The following PTPRT variants were observed in gnomAD, a reference collection of about 807,000 sequenced individuals.
PTPRT encodes the protein receptor-type tyrosine-protein phosphatase T.
PTPRT carries 56 observed loss-of-function variants against 176.8 expected under a neutral mutation model. The observed-to-expected ratio is 0.32, with a 90% CI of 0.26 to 0.40. The LOEUF (loss-of-function observed/expected upper bound fraction) is 0.40. Ranked by LOEUF, PTPRT falls within the 10% of genes least tolerant of loss-of-function variation. The pLI, the probability that PTPRT is intolerant of heterozygous loss-of-function variation, is 1.00. For synonymous variants in PTPRT, 783 were observed against 739.0 expected (o/e 1.06, Z -0.96); for missense variants, 1,540 against 1,908.2 (o/e 0.81, Z 3.60).
chr20:42,685,091 G>A (rs2075670122), intron 6 of PTPRT, among the ~76,000 whole-genome samples: 1 of 152,142 alleles, frequency 6.6e-6, no homozygotes, highest in African/African-American at 2.4e-5. Flanking sequence ...TAACCATTAT[G>A]ATAAAGACAA....
intron 2 of PTPRT, among the ~76,000 whole-genome samples, chr20:42,833,892 C>G (rs750095403): frequency 2.0e-5 from 3 of 152,094 alleles, no homozygotes; most frequent in African/African-American, 7.2e-5. Context: ...GGAACATAAA[C>G]CTAAATGTAA....
At chr20:43,132,749 G>C (rs1438222735) in intron 1 of PTPRT, among the ~76,000 whole-genome samples, 1 of 152,038 alleles carries the variant, frequency 6.6e-6, no homozygotes, top group Non-Finnish European at 1.5e-5. Flanking sequence ...AGGCCAATAT[G>C]GAAATTTAAT....
chr20:42,633,507 T>A (rs2145897851), intron 7 of PTPRT, among the ~76,000 whole-genome samples: 1 of 150,096 alleles, frequency 6.7e-6, no homozygotes, highest in East Asian at 2.0e-4. Flanking sequence ...TAGAATATGG[T>A]TTGACAGGCC....
At chr20:42,059,297 T>G in the PTPRT span, among the ~76,000 whole-genome samples, 1 of 152,072 alleles carries the variant, frequency 6.6e-6, no homozygotes, top group South Asian at 2.1e-4. Flanking sequence ...AGATAGAAAG[T>G]GCTCAGCAAG....
At chr20:42,633,586 A>G (rs1293627306) in intron 7 of PTPRT, among the ~76,000 whole-genome samples, 1 of 150,968 alleles carries the variant, frequency 6.6e-6, no homozygotes, top group Non-Finnish European at 1.5e-5. Flanking sequence ...ACTTGAGGCC[A>G]GGAGTTCGAG....
chr20:42,329,760 T>G (rs1277163422), intron 11 of PTPRT, among the ~76,000 whole-genome samples: 1 of 152,182 alleles, frequency 6.6e-6, no homozygotes, highest in Non-Finnish European at 1.5e-5. Context: ...TTCCCAAATG[T>G]CAGTATTTTA....
intron 16 of PTPRT, among the ~76,000 whole-genome samples, chr20:42,181,575 T>A (rs560722822): frequency 6.6e-5 from 10 of 152,334 alleles, no homozygotes; most frequent in African/African-American, 2.2e-4. Context: ...GTCATCGCTA[T>A]GTCTGCAGGT....
At chr20:42,249,907 G>T (rs2146919747) in intron 13 of PTPRT, among the ~76,000 whole-genome samples, 1 of 152,302 alleles carries the variant, frequency 6.6e-6, no homozygotes. Flanking sequence ...ATTTCCTCCT[G>T]CTTCTATTTA....
At chr20:43,175,191 G>C (rs184459462) in intron 1 of PTPRT, among the ~76,000 whole-genome samples, 70 of 152,344 alleles carry the variant, frequency 4.6e-4, no homozygotes, top group African/African-American at 1.4e-3. Flanking sequence ...GAAAGAGACG[G>C]AGGTGTGACA....
chr20:42,866,528 A>G (rs1386051107), intron 2 of PTPRT, among the ~76,000 whole-genome samples: 1 of 151,868 alleles, frequency 6.6e-6, no homozygotes, highest in Non-Finnish European at 1.5e-5. Context: ...CTTCCTTCCC[A>G]CCACAGGCTC....
At chr20:42,678,472 T>C (rs2075547512) in intron 6 of PTPRT, among the ~76,000 whole-genome samples, 1 of 151,942 alleles carries the variant, frequency 6.6e-6, no homozygotes, top group South Asian at 2.1e-4. Flanking sequence ...GGTTAATTTT[T>C]GTATTTGTAG....
At chr20:42,619,337 A>T in intron 7 of PTPRT, among the ~76,000 whole-genome samples, 2 of 131,206 alleles carry the variant, frequency 1.5e-5, no homozygotes, top group African/African-American at 6.9e-5. Context: ...CTTCCCTTTG[A>T]GGGTAACCCG....
In PTPRT at chr20:42,078,452, A is replaced by C. The variant is rs1298984046; in HGVS notation, c.*2427T>G. The C allele has an allele frequency of 4.8e-6, 1 of 209,688 alleles. No individual in the cohort carries two copies. Among genetic ancestry groups the C allele is most frequent in the Non-Finnish European group, 9.7e-6 (1 of 103,024 alleles). 13.0% of individuals were successfully genotyped at this position (209,688 alleles called of 1,614,324 possible). On this transcript the variant is annotated 3_prime_UTR_variant, in exon 31 of 31. Coordinates refer to ENST00000373187, the MANE Select transcript of PTPRT (RefSeq NM_007050.6). Reference sequence around the variant, plus strand: ...CCATTGCATATTTAGTTCCAGCAACAAAACAATGAGCAGACAGACAAATAG... The same window carrying C: ...CCATTGCATATTTAGTTCCAGCAACCAAACAATGAGCAGACAGACAAATAG...
chr20:42,563,931 C>T (rs1227772927), intron 7 of PTPRT, among the ~76,000 whole-genome samples: 2 of 152,194 alleles, frequency 1.3e-5, no homozygotes, highest in Non-Finnish European at 1.5e-5. Context: ...GGCTCTGCTT[C>T]ACTTTGTCAT....
At chr20:42,718,894 T>C (rs2076265928) in intron 6 of PTPRT, among the ~76,000 whole-genome samples, 1 of 152,196 alleles carries the variant, frequency 6.6e-6, no homozygotes, top group South Asian at 2.1e-4. Context: ...AAGAGTCCAG[T>C]TGAGAGCTGA....
intron 1 of PTPRT, among the ~76,000 whole-genome samples, chr20:43,062,812 G>A (rs1987527573): frequency 6.6e-6 from 1 of 152,160 alleles, no homozygotes; most frequent in Admixed American, 6.5e-5. Context: ...TACACAGGGT[G>A]TAATTTCTCT....
chr20:42,893,277 C>T (rs1420416346), intron 1 of PTPRT, among the ~76,000 whole-genome samples: 2 of 152,138 alleles, frequency 1.3e-5, no homozygotes, highest in African/African-American at 2.4e-5. Flanking sequence ...TCATCACTGG[C>T]CATCAGAGAA....
rs527731968 is a variant in PTPRT, at chr20:42,681,380, C to T, written c.860-3221G>A. Among the ~76,000 whole-genome samples the T allele has an allele frequency of 2.5e-4, 38 of 152,244 alleles. No individual in the cohort carries two copies. The South Asian group carries it at 7.1e-3, about 28-fold the overall frequency. On this transcript the variant is annotated intron_variant, in intron 6 of 30. Transcript: ENST00000373187. ...AACAAAGTGTAGTAAAGTCATGATG[C>T]GGGTGGCAGAGGCAGTTTTGAAGCC...
At position 43,188,752 on chromosome 20, in the gene PTPRT, G is replaced by GGC. The variant is rs1555845644; in HGVS notation, c.88+893_88+894insGC. On this transcript the variant is annotated intron_variant, in intron 1 of 30. Transcript: ENST00000373187. ...CTCTTCCCTCCGCCGCTACTCTTGG[G>GGC]GGGGGGGGGGCTCGGGGGTGGAAGC... Among the ~76,000 whole-genome samples the GGC allele has an allele frequency of 2.9e-4, 39 of 135,940 alleles. 4 individuals carry two copies. The highest frequency in any genetic ancestry group is 2.4e-3 in the Admixed American group (34 of 14,070). The allele number at this position is 135,940 out of a possible 152,430, so 89.2% of individuals were successfully genotyped here.
Sources: allele counts gnomAD v4.1 joint callset (sites outside exome capture counted in the v4.1 genomes callset), GRCh38; gene constraint gnomAD v4.1.1; transcripts MANE v1.5; gene names NCBI Gene and HGNC (gene_info 2026-07-23, HGNC 2026-07-21).